KALRN: variants seen among roughly 807,000 people sequenced by gnomAD.
KALRN encodes the protein kalirin.
In KALRN, 70 loss-of-function variants were observed where a neutral mutation model predicts 353.7. The ratio of observed to expected loss-of-function variants is 0.20; its 90% CI spans 0.16 to 0.24. The LOEUF (loss-of-function observed/expected upper bound fraction) is 0.24, where lower values mean the gene tolerates loss of function less well. Ranked by LOEUF, KALRN falls within the 10% of genes least tolerant of loss-of-function variation. The probability of loss-of-function intolerance (pLI) is 1.00; values close to 1 mark genes in which losing one functional copy is unlikely to be tolerated. For missense variants in KALRN, 2,791 were observed against 3,756.7 expected (o/e 0.74, Z 6.72); for synonymous variants, 1,391 against 1,434.8 (o/e 0.97, Z 0.69).
chr3:124,365,548 T>C (rs2084577768), intron 10 of KALRN, among the ~76,000 whole-genome samples: 1 of 152,234 alleles, frequency 6.6e-6, no homozygotes, highest in South Asian at 2.1e-4. Context: ...GACTTGGCTT[T>C]CTAAAGCCAT....
At chr3:124,179,816 T>C (rs892647010) in intron 1 of KALRN, among the ~76,000 whole-genome samples, 4 of 152,252 alleles carry the variant, frequency 2.6e-5, no homozygotes, top group Non-Finnish European at 4.4e-5. Context: ...TATTCTGCAA[T>C]AAAAGTTATG....
At chr3:124,440,350 T>A (rs894779783) in intron 18 of KALRN, among the ~76,000 whole-genome samples, 3 of 152,206 alleles carry the variant, frequency 2.0e-5, no homozygotes, top group African/African-American at 7.2e-5. Context: ...GTTTTCCATA[T>A]GTCCCTGAAA....
chr3:124,264,408 G>A lies in KALRN; in HGVS notation c.264-90G>A. The A allele has an allele frequency of 5.8e-6, 6 of 1,034,148 alleles. No individual in the cohort carries two copies. The Admixed American group carries it at 1.4e-4, about 25-fold the overall frequency. 64.1% of individuals were successfully genotyped at this position (1,034,148 alleles called of 1,614,324 possible). A position where few individuals can be genotyped will look rare whatever the true frequency, so the allele number is the denominator to read the frequency against. ...AGTTGAAAGAGTGATTCTGGTCAAG[G>A]GGAGTGCAGGTTTCCGGGTGCTTTT... On this transcript the variant is annotated intron_variant, in intron 3 of 59. Coordinates refer to ENST00000682506, the MANE Select transcript of KALRN (RefSeq NM_001388419.1).
At chr3:124,413,729 G>T (rs1289307053) in intron 14 of KALRN, 64 bp downstream of exon 14, 2 of 1,260,518 alleles carry the variant, frequency 1.6e-6, no homozygotes, top group East Asian at 2.4e-5. Context: ...CATCTAGCCT[G>T]CAAGGAGCAG....
intron 1 of KALRN, among the ~76,000 whole-genome samples, chr3:124,038,016 G>A (rs1286170051): frequency 2.6e-5 from 4 of 152,198 alleles, no homozygotes; most frequent in Non-Finnish European, 5.9e-5. Flanking sequence ...GGCTAGGGCT[G>A]TTGATGTTGA....
chr3:124,223,780 T>C (rs2078180951), intron 1 of KALRN, among the ~76,000 whole-genome samples: 1 of 152,224 alleles, frequency 6.6e-6, no homozygotes, highest in African/African-American at 2.4e-5. Flanking sequence ...GTTTTACCAT[T>C]GCCGTGTAAG....
intron 1 of KALRN, among the ~76,000 whole-genome samples, chr3:124,197,593 G>C (rs1397074033): frequency 6.6e-6 from 1 of 152,148 alleles, no homozygotes; most frequent in Non-Finnish European, 1.5e-5. Context: ...TCACCCTCCA[G>C]CCCAACCTCA....
At chr3:124,446,696 T>C in intron 20 of KALRN, 67 bp from the exon 21 acceptor site, 4 of 1,594,014 alleles carry the variant, frequency 2.5e-6, no homozygotes, top group Non-Finnish European at 3.4e-6. Flanking sequence ...ACCTTCATTG[T>C]AGTATGGCAT....
intron 44 of KALRN, 118 bp downstream of exon 44, chr3:124,661,091 T>G (rs1464325771): frequency 1.3e-5 from 10 of 771,098 alleles, no homozygotes; most frequent in Non-Finnish European, 2.1e-5. Context: ...TCTCAGACAG[T>G]AAGAGGCTCT....
At chr3:124,327,342 C>T (rs571825903) in intron 7 of KALRN, among the ~76,000 whole-genome samples, 4 of 152,286 alleles carry the variant, frequency 2.6e-5, no homozygotes, top group South Asian at 4.1e-4. Context: ...GCGTAGTATT[C>T]AGGTGCTTTT....
intron 5 of KALRN, among the ~76,000 whole-genome samples, chr3:124,275,537 A>C (rs2074617953): frequency 6.6e-6 from 1 of 152,178 alleles, no homozygotes; most frequent in Non-Finnish European, 1.5e-5. Flanking sequence ...ACTTCTTCGC[A>C]GGGTTGTTAT....
In KALRN at chr3:124,424,980, C is replaced by T. The variant is rs528496729; in HGVS notation, c.2709+2002C>T. 7.2e-5 allele frequency among the ~76,000 whole-genome samples: 11 copies of T among 152,256 alleles called. No individual in the cohort carries two copies. In the East Asian group the frequency reaches 2.1e-3, roughly 29 times the overall value. On this transcript the variant is annotated intron_variant, in intron 15 of 59. Transcript: ENST00000682506. ...TGCCTCTGCTGGCCCCCACTCTTGC[C>T]ATGTGGTCCCAGGAGAAATAGAAGC... is the stretch of plus-strand genomic sequence containing the variant.
intron 10 of KALRN, among the ~76,000 whole-genome samples, chr3:124,368,499 G>A (rs1263910084): frequency 1.3e-5 from 2 of 150,708 alleles, no homozygotes; most frequent in African/African-American, 4.9e-5. Context: ...CTTCCTAGAT[G>A]TGATGGTGGC....
At chr3:124,172,148 A>G (rs1195073224) in intron 1 of KALRN, among the ~76,000 whole-genome samples, 2 of 152,206 alleles carry the variant, frequency 1.3e-5, no homozygotes, top group African/African-American at 4.8e-5. Context: ...TCATTCAACA[A>G]TGGGTGATAA....
At chr3:124,308,839 T>C (rs1245337247) in intron 6 of KALRN, among the ~76,000 whole-genome samples, 2 of 151,320 alleles carry the variant, frequency 1.3e-5, no homozygotes, top group Admixed American at 6.6e-5. Context: ...AACTAGAGAA[T>C]AGGAAAACAA....
At chr3:124,420,250 C>G (rs1219742900) in intron 14 of KALRN, among the ~76,000 whole-genome samples, 1 of 152,236 alleles carries the variant, frequency 6.6e-6, no homozygotes, top group South Asian at 2.1e-4. Context: ...AAGCAGGTGA[C>G]TGTCCTCTTT....
At chr3:124,337,456 C>T (rs538061931) in intron 9 of KALRN, among the ~76,000 whole-genome samples, 5 of 152,122 alleles carry the variant, frequency 3.3e-5, no homozygotes, top group Admixed American at 6.6e-5. Context: ...TATTGATTTG[C>T]GTATGTTGAA....
chr3:124,268,296 CAA>C (rs1253361930), intron 4 of KALRN, among the ~76,000 whole-genome samples: 1 of 152,138 alleles, frequency 6.6e-6, no homozygotes, highest in Non-Finnish European at 1.5e-5. Context: ...CTTTGCAGCC[CAA>C]GCACTGGCCC....
chr3:124,142,991 T>C (rs1265693470), intron 1 of KALRN, among the ~76,000 whole-genome samples: 1 of 152,082 alleles, frequency 6.6e-6, no homozygotes, highest in Non-Finnish European at 1.5e-5. Flanking sequence ...GAAACTGTGA[T>C]GGCTTTTTTT....
Sources: allele counts gnomAD v4.1 joint callset (sites outside exome capture counted in the v4.1 genomes callset), GRCh38; gene constraint gnomAD v4.1.1; transcripts MANE v1.5; gene names NCBI Gene and HGNC (gene_info 2026-07-23, HGNC 2026-07-21).